The following SYNE1 variants were observed in gnomAD, a reference collection of about 807,000 sequenced individuals.
The protein encoded by SYNE1 is nesprin-1.
Under a neutral mutation model 1,111.0 loss-of-function variants are expected in SYNE1, and 616 were observed. The observed-to-expected ratio is 0.55, with a 90% CI of 0.52 to 0.59. The LOEUF (loss-of-function observed/expected upper bound fraction) is 0.59. SYNE1 is among the 20% of genes least tolerant of loss of function. SYNE1 has a pLI of 0.00. For missense variants in SYNE1, 10,006 were observed against 10,417.0 expected, an observed-to-expected ratio of 0.96 and a Z score of 1.72; for synonymous variants, 3,855 against 3,825.8, an observed-to-expected ratio of 1.01 and a Z score of -0.28.
At position 152,141,140 on chromosome 6, in the gene SYNE1, G is replaced by T. The variant is rs540826282; in HGVS notation, c.25246+63C>A. On this transcript the variant is annotated intron_variant, in intron 139 of 145. Coordinates refer to ENST00000367255, the MANE Select transcript of SYNE1 (RefSeq NM_182961.4). The stretch of plus-strand genomic sequence containing the variant: ...CAAGCCCCCTAAGTGGAATTTCGCT[G>T]TTAACAAAGTGCTTCAGGATCTTCT... 36 of 1,611,978 alleles carry T rather than the reference G, an allele frequency of 2.2e-5. 1 individual carries two copies. Among genetic ancestry groups the T allele is most frequent in the East Asian group, 1.1e-4 (5 of 44,834 alleles).
chr6:152,464,825 G>C, intron 18 of SYNE1: 1 of 252,516 alleles, frequency 4.0e-6, no homozygotes, highest in Non-Finnish European at 7.8e-6. Flanking sequence ...CTTGAAGGTT[G>C]ATAAAATCCA....
At chr6:152,334,814 A>T (rs1299583181) in intron 76 of SYNE1, among the ~76,000 whole-genome samples, 1 of 152,166 alleles carries the variant, frequency 6.6e-6, no homozygotes, top group Non-Finnish European at 1.5e-5. Flanking sequence ...ACTTTCTGGG[A>T]ATGCAGCCCA....
rs1296904126 is a variant in SYNE1 at position 152,328,937 on chromosome 6, C to T, written c.14955+793G>A. ...ATGGGGCAACTAATGGGATACCCCA[C>T]AAAAATGTGGCTTATTGGCAAGGTC... is the stretch of plus-strand genomic sequence containing the variant. On this transcript the variant is annotated intron_variant, in intron 78 of 145. Transcript: ENST00000367255. Among the ~76,000 whole-genome samples, 8 of 152,152 alleles carry T rather than the reference C, an allele frequency of 5.3e-5. No individual in the cohort carries two copies. The East Asian group carries it at 9.6e-4, about 18-fold the overall frequency.
chr6:152,332,041 C>G, intron 77 of SYNE1, 151 bp from the exon 78 acceptor site: 1 of 1,165,414 alleles, frequency 8.6e-7, no homozygotes, highest in Non-Finnish European at 1.2e-6. Context: ...ATGCTCTGAT[C>G]TCAGCTCACG....
At chr6:152,624,614 T>A (rs563767402) in intron 3 of SYNE1, among the ~76,000 whole-genome samples, 1 of 152,304 alleles carries the variant, frequency 6.6e-6, no homozygotes, top group South Asian at 2.1e-4. Flanking sequence ...TTGTCCTGTA[T>A]TTGCTTTTAC....
At chr6:152,165,827 G>A (rs2063531833) in intron 130 of SYNE1, among the ~76,000 whole-genome samples, 1 of 152,226 alleles carries the variant, frequency 6.6e-6, no homozygotes, top group Non-Finnish European at 1.5e-5. Context: ...GTCAGTGAAT[G>A]ACAGTTTTAT....
intron 24 of SYNE1, 149 bp from the exon 25 acceptor site, chr6:152,453,869 T>A (rs1339107145): frequency 2.3e-6 from 2 of 863,066 alleles, no homozygotes; most frequent in Non-Finnish European, 3.8e-6. Context: ...TTTTTAAGGA[T>A]GAACTATGTG....
At chr6:152,175,906 A>G (rs969241555) in intron 130 of SYNE1, among the ~76,000 whole-genome samples, 6 of 152,224 alleles carry the variant, frequency 3.9e-5, no homozygotes, top group Non-Finnish European at 8.8e-5. Flanking sequence ...CTAAAGCTCA[A>G]CACAAAATTA....
rs1209919531 is a variant in SYNE1, at chr6:152,520,433, G to A, written c.309+26C>T. 4.3e-6 allele frequency: 7 copies of A among 1,609,280 alleles called. No homozygotes were observed. In the African/African-American group the frequency reaches 5.4e-5, roughly 12 times the overall value. On this transcript the variant is annotated intron_variant, in intron 6 of 145. Transcript: ENST00000367255. ...AGTATGCCCACACCTTCTTCCTTGG[G>A]CATTTTGTTTTTGTTTCTCTCTTAC...
intron 3 of SYNE1, among the ~76,000 whole-genome samples, chr6:152,564,774 G>C (rs1316387363): frequency 6.6e-6 from 1 of 152,160 alleles, no homozygotes; most frequent in Non-Finnish European, 1.5e-5. Context: ...TTGGGGTCTA[G>C]GAGTGCAACA....
chr6:152,230,468 A>G, intron 115 of SYNE1, 79 bp downstream of exon 115: 5 of 1,389,672 alleles, frequency 3.6e-6, no homozygotes, highest in Non-Finnish European at 5.0e-6. Flanking sequence ...TTTAACTTGC[A>G]ACTCTCAAGG....
Position 152,362,269 on chromosome 6 carries a change from C to T in SYNE1, c.10200G>A (p.Gln3400=). The T allele has an allele frequency of 6.2e-7, 1 of 1,614,234 alleles. No individual in the cohort carries two copies. Among genetic ancestry groups the T allele is most frequent in the Non-Finnish European group, 8.5e-7 (1 of 1,180,034 alleles). ...KWTSYQDGVR[Q]FSGWMDSMEA... ...CCATACTATCCATCCAACCGGAGAA[C>T]TGTCGAACGCCATCCTGATAACTTG... The change falls in exon 64 of 146, where the codon CAG becomes CAA. Residue 3400 remains glutamine (Q), a synonymous_variant. Transcript: ENST00000367255.
rs2099573797 is a variant in SYNE1, at chr6:152,593,924, A to C, written c.67+34341T>G. On this transcript the variant is annotated intron_variant, in intron 3 of 145. Coordinates refer to ENST00000367255, the MANE Select transcript of SYNE1 (RefSeq NM_182961.4). ...CTCCACAAACAAGAGCTCTTTAATC[A>C]CTAAGGTCTGGAAAAAACCATAGTG... 2.0e-5 allele frequency among the ~76,000 whole-genome samples: 3 copies of C among 152,262 alleles called. No homozygotes were observed. In the South Asian group the frequency reaches 6.2e-4, roughly 32 times the overall value.
At chr6:152,211,149 T>C (rs1248030440) in intron 124 of SYNE1, among the ~76,000 whole-genome samples, 1 of 152,222 alleles carries the variant, frequency 6.6e-6, no homozygotes, top group Non-Finnish European at 1.5e-5. Context: ...TCTGTAATTA[T>C]ATAAGAATAT....
intron 45 of SYNE1, among the ~76,000 whole-genome samples, chr6:152,406,343 A>G (rs942471959): frequency 2.6e-5 from 4 of 152,146 alleles, no homozygotes; most frequent in Non-Finnish European, 5.9e-5. Flanking sequence ...AAAAATAGAT[A>G]CTAAACATTA....
rs1405342911 is a variant in SYNE1, at chr6:152,505,372, A to C, written c.607T>G (p.Phe203Val). The C allele has an allele frequency of 2.5e-6, 4 of 1,613,958 alleles. No individual in the cohort carries two copies. Among genetic ancestry groups the C allele is most frequent in the Non-Finnish European group, 3.4e-6 (4 of 1,179,998 alleles). ...ACCCCGCTTCTCCAACTCTTCCCAA[A>C]ATCTTTTACTTCTATTCCAGTCTGC... ...GKQTGIEVKDFGKSWRSGVAF... is the reference protein window; with the variant it reads ...GKQTGIEVKDVGKSWRSGVAF... The change falls in exon 9 of 146, where the codon TTT becomes GTT. Residue 203 changes from phenylalanine to valine, a missense_variant. Coordinates refer to ENST00000367255, the MANE Select transcript of SYNE1 (RefSeq NM_182961.4).
At chr6:152,260,734 C>A (rs1451109099) in intron 101 of SYNE1, among the ~76,000 whole-genome samples, 1 of 151,930 alleles carries the variant, frequency 6.6e-6, no homozygotes, top group Non-Finnish European at 1.5e-5. Flanking sequence ...TAGAATGAAA[C>A]TGTTCCACCT....
At chr6:152,175,814 C>G (rs2066326036) in intron 130 of SYNE1, among the ~76,000 whole-genome samples, 1 of 152,134 alleles carries the variant, frequency 6.6e-6, no homozygotes, top group African/African-American at 2.4e-5. Context: ...ACTTTCATCT[C>G]TCTTACCCAA....
At position 152,376,725 on chromosome 6, in the gene SYNE1, G is replaced by A. The variant is rs55923011; in HGVS notation, c.9146+51C>T. ...AATTACACCTTAAAATAAACTTCTA[G>A]CTTCTAATTTGTATAAAAATATCTT... On this transcript the variant is annotated intron_variant, in intron 57 of 145. Transcript: ENST00000367255. 4,099 of 1,608,848 alleles carry A rather than the reference G, an allele frequency of 2.5e-3. 13 individuals are homozygous for A. The highest frequency in any genetic ancestry group is 3.2e-3 in the Non-Finnish European group (3,818 of 1,177,680).
Sources: gnomAD v4.1 joint callset for allele counts (sites outside exome capture counted in the v4.1 genomes callset) on GRCh38, gnomAD v4.1.1 for gene constraint, MANE v1.5 for transcripts, NCBI Gene and HGNC (gene_info 2026-07-23, HGNC 2026-07-21) for gene names.